Variants in ITGA9 observed in about 807,000 individuals in gnomAD.
ITGA9 encodes integrin alpha-9.
Under a neutral mutation model 127.8 loss-of-function variants are expected in ITGA9, and 56 were observed. The ratio of observed to expected loss-of-function variants is 0.44; its 90% CI spans 0.35 to 0.55. The LOEUF (loss-of-function observed/expected upper bound fraction) is 0.55. Ranked by LOEUF, ITGA9 falls within the 20% of genes least tolerant of loss-of-function variation. The probability of loss-of-function intolerance (pLI) is 0.00; values close to 1 mark genes in which losing one functional copy is unlikely to be tolerated. For synonymous variants in ITGA9, 508 were observed against 514.5 expected (o/e 0.99, Z 0.17); for missense variants, 1,196 against 1,347.1 (o/e 0.89, Z 1.76).
At chr3:37,585,795 G>GCC (rs140414819) in intron 15 of ITGA9, among the ~76,000 whole-genome samples, 40,135 of 128,442 alleles carry the variant, frequency 0.31, 6,001 homozygotes, top group East Asian at 0.5. Context: ...GGAAGAAGGG[G>GCC]GCCCCCCCAA....
intron 13 of ITGA9, among the ~76,000 whole-genome samples, chr3:37,527,211 A>T (rs896705440): frequency 1.3e-5 from 2 of 152,228 alleles, no homozygotes; most frequent in African/African-American, 4.8e-5. Context: ...GGTAGTTTCA[A>T]CTTAGGATGG....
intron 16 of ITGA9, among the ~76,000 whole-genome samples, chr3:37,652,553 G>A (rs891249509): frequency 3.2e-4 from 49 of 152,152 alleles, no homozygotes; most frequent in African/African-American, 1.1e-3. Flanking sequence ...TTTCATAGGC[G>A]AAATTACTCT....
intron 15 of ITGA9, among the ~76,000 whole-genome samples, chr3:37,589,666 G>C (rs985415388): frequency 1.3e-5 from 2 of 152,180 alleles, no homozygotes; most frequent in African/African-American, 4.8e-5. Context: ...TCTGGGAGAA[G>C]AGCATTCCAG....
chr3:37,472,845 G>C (rs531453008), intron 2 of ITGA9, among the ~76,000 whole-genome samples: 2 of 152,130 alleles, frequency 1.3e-5, no homozygotes, highest in African/African-American at 4.8e-5. Flanking sequence ...CCATGAGAAA[G>C]TCTTGCCATG....
At chr3:37,798,695 T>C (rs1218324333) in intron 26 of ITGA9, among the ~76,000 whole-genome samples, 6 of 152,234 alleles carry the variant, frequency 3.9e-5, no homozygotes, top group Non-Finnish European at 8.8e-5. Context: ...ACTGAAAATA[T>C]CCCAAAGGTT....
At chr3:37,729,700 C>CTTTTT (rs34875348) in intron 18 of ITGA9, among the ~76,000 whole-genome samples, 6 of 84,118 alleles carry the variant, frequency 7.1e-5, no homozygotes, top group Admixed American at 1.4e-4. Context: ...TTTTTGATTT[C>CTTTTT]TTTTTTTTTT....
At chr3:37,465,167 C>A (rs1424418665) in intron 1 of ITGA9, among the ~76,000 whole-genome samples, 2 of 152,310 alleles carry the variant, frequency 1.3e-5, no homozygotes, top group East Asian at 3.9e-4. Flanking sequence ...GGGAGGGAAT[C>A]TTTGAGACAC....
rs556513964 is a variant in ITGA9, at chr3:37,615,751, C to T, written c.1690-13436C>T. The stretch of plus-strand genomic sequence containing the variant: ...TCTTCTAGATTTTCTAGTTTATTTG[C>T]GTAGAGGTGTTTATAGTATTCTCTG... On this transcript the variant is annotated intron_variant, in intron 15 of 27. Transcript: ENST00000264741. 3.3e-5 allele frequency among the ~76,000 whole-genome samples: 5 copies of T among 152,040 alleles called. No individual in the cohort carries two copies. In the South Asian group the frequency reaches 6.2e-4, roughly 19 times the overall value.
At chr3:37,650,707 AG>A (rs1437252072) in intron 16 of ITGA9, among the ~76,000 whole-genome samples, 1 of 152,188 alleles carries the variant, frequency 6.6e-6, no homozygotes, top group African/African-American at 2.4e-5. Flanking sequence ...CTGGGATTAC[AG>A]GTGTGAGCCA....
At chr3:37,483,059 C>T (rs1371228610) in intron 4 of ITGA9, among the ~76,000 whole-genome samples, 2 of 152,148 alleles carry the variant, frequency 1.3e-5, no homozygotes, top group African/African-American at 4.8e-5. Flanking sequence ...TCTGGAACAA[C>T]CGGTGGGGCA....
chr3:37,798,194 T>C (rs1038901173), intron 26 of ITGA9, among the ~76,000 whole-genome samples: 2 of 152,282 alleles, frequency 1.3e-5, no homozygotes, highest in East Asian at 3.9e-4. Context: ...CTCACTATGT[T>C]ACCCAGGCTC....
At chr3:37,651,685 T>A (rs1355487931) in intron 16 of ITGA9, among the ~76,000 whole-genome samples, 1 of 152,138 alleles carries the variant, frequency 6.6e-6, no homozygotes, top group African/African-American at 2.4e-5. Context: ...GAGCTCACGA[T>A]GGGCCTGAAC....
chr3:37,568,325 A>G (rs553910566), intron 15 of ITGA9, among the ~76,000 whole-genome samples: 2 of 152,216 alleles, frequency 1.3e-5, no homozygotes, highest in East Asian at 3.9e-4. Flanking sequence ...TGGCCCATGA[A>G]ACCATTTTTT....
rs1019313550 is a variant in ITGA9, at chr3:37,629,070, G to C, written c.1690-117G>C. The C allele has an allele frequency of 5.1e-6, 6 of 1,178,256 alleles. No homozygotes were observed. The South Asian group carries it at 6.3e-5, about 12-fold the overall frequency. The allele number at this position is 1,178,256 out of a possible 1,614,324, so 73.0% of individuals were successfully genotyped here. A position where few individuals can be genotyped will look rare whatever the true frequency, so the allele number is the denominator to read the frequency against. On this transcript the variant is annotated intron_variant, in intron 15 of 27. Coordinates refer to ENST00000264741, the MANE Select transcript of ITGA9 (RefSeq NM_002207.3). This position sits in a 1 kb window ranked among gnomAD's most constrained non-coding sequence, Gnocchi z 4.5. ...AAGTCATAAAACCCTACCTCACGAG[G>C]GTGATTGTGAGGATTATATGAGGCA...
chr3:37,518,199 C>G (rs903463211), intron 10 of ITGA9, among the ~76,000 whole-genome samples: 1 of 151,944 alleles, frequency 6.6e-6, no homozygotes, highest in African/African-American at 2.4e-5. Flanking sequence ...CTCTTGGCCT[C>G]TCTCTCTGGC....
intron 15 of ITGA9, among the ~76,000 whole-genome samples, chr3:37,553,084 A>G (rs773139289): frequency 9.9e-5 from 15 of 152,130 alleles, no homozygotes; most frequent in Non-Finnish European, 1.8e-4. Flanking sequence ...GATAGCACAA[A>G]GAAATACCGT....
intron 17 of ITGA9, among the ~76,000 whole-genome samples, chr3:37,654,737 T>C (rs6550493): frequency 0.6 from 91,381 of 151,932 alleles, 28,592 homozygotes; most frequent in African/African-American, 0.79. Flanking sequence ...ATACATGTGC[T>C]GAACGTGCAG....
chr3:37,550,771 C>G (rs1699370774), intron 15 of ITGA9, among the ~76,000 whole-genome samples: 2 of 152,002 alleles, frequency 1.3e-5, no homozygotes, highest in South Asian at 2.1e-4. Context: ...GTTTAACAAC[C>G]CTGGCTCATA....
At chr3:37,545,720 A>G (rs1027014482) in intron 15 of ITGA9, among the ~76,000 whole-genome samples, 1 of 151,478 alleles carries the variant, frequency 6.6e-6, no homozygotes, top group African/African-American at 2.4e-5. Flanking sequence ...GGCCCCTCCC[A>G]CTAGCCAGTC....
Sources: allele counts gnomAD v4.1 joint callset (sites outside exome capture counted in the v4.1 genomes callset), GRCh38; gene constraint gnomAD v4.1.1; non-coding constraint Gnocchi (gnomAD v3.1); transcripts MANE v1.5; gene names NCBI Gene and HGNC (gene_info 2026-07-23, HGNC 2026-07-21).